Variants in SPAG9 observed in about 807,000 individuals in gnomAD.
The protein encoded by SPAG9 is sperm associated antigen 9, also known as C-Jun-amino-terminal kinase-interacting protein 4.
A neutral mutation model predicts 166.5 loss-of-function variants in SPAG9; 35 were observed. That is an observed-to-expected ratio of 0.21 (90% CI 0.16 to 0.28). SPAG9 has a LOEUF of 0.28. Ranked by LOEUF, SPAG9 falls within the 10% of genes least tolerant of loss-of-function variation. The pLI, the probability that SPAG9 is intolerant of heterozygous loss-of-function variation, is 1.00. For missense variants in SPAG9, 1,235 were observed against 1,603.3 expected, an observed-to-expected ratio of 0.77 and a Z score of 3.92; for synonymous variants, 534 against 565.5, an observed-to-expected ratio of 0.94 and a Z score of 0.79.
At chr17:50,983,647 T>C (rs1264948191) in intron 24 of SPAG9, among the ~76,000 whole-genome samples, 1 of 152,232 alleles carries the variant, frequency 6.6e-6, no homozygotes, top group East Asian at 1.9e-4. Flanking sequence ...TTTACTTGTC[T>C]TATTCTGTCA....
chr17:51,058,452 C>G (rs1439384400), intron 2 of SPAG9, among the ~76,000 whole-genome samples: 2 of 152,180 alleles, frequency 1.3e-5, no homozygotes, highest in Non-Finnish European at 2.9e-5. Context: ...TAGAAAATGG[C>G]AAAGCAAGGA....
At chr17:50,987,284 T>C (rs1235228159) in intron 21 of SPAG9, 47 bp from the exon 22 acceptor site, 1 of 1,540,548 alleles carries the variant, frequency 6.5e-7, no homozygotes, top group Non-Finnish European at 8.8e-7. Flanking sequence ...TACTTAACTA[T>C]CGTTATAGTT....
At chr17:51,026,968 G>T (rs939259373) in intron 6 of SPAG9, among the ~76,000 whole-genome samples, 2 of 152,052 alleles carry the variant, frequency 1.3e-5, no homozygotes, top group South Asian at 4.2e-4. Context: ...GAGCCACTGC[G>T]CCCGGCCGGG....
intron 19 of SPAG9, among the ~76,000 whole-genome samples, chr17:50,992,944 A>T (rs952697365): frequency 2.6e-5 from 4 of 151,560 alleles, no homozygotes; most frequent in East Asian, 3.9e-4. Flanking sequence ...AAAAATACAA[A>T]AATTAGCCGG....
intron 1 of SPAG9, among the ~76,000 whole-genome samples, chr17:51,115,864 G>A (rs1222102695): frequency 1.3e-5 from 2 of 149,578 alleles, no homozygotes; most frequent in Non-Finnish European, 3.0e-5. Context: ...AAAAGAAAAA[G>A]AAAAGGAAGG....
Position 50,993,852 on chromosome 17 carries a change from A to T in SPAG9, c.2310T>A (p.Val770=), listed in dbSNP as rs771583094. The change falls in exon 19 of 30, where the codon GTT becomes GTA. Residue 770 remains valine, a synonymous_variant. Transcript: ENST00000262013. ...ICTSTHSATK[V]LIIDAVQPGN... ...CAGGTTGAACAGCATCAATAATAAG[A>T]ACTTTTGTAGCCGAATGAGTGCTGG... 4 of 1,614,106 alleles carry T rather than the reference A, an allele frequency of 2.5e-6. No homozygotes were observed. Among genetic ancestry groups the T allele is most frequent in the Non-Finnish European group, 3.4e-6 (4 of 1,180,050 alleles).
At chr17:51,025,570 G>A (rs1472026974) in intron 6 of SPAG9, among the ~76,000 whole-genome samples, 2 of 151,826 alleles carry the variant, frequency 1.3e-5, no homozygotes, top group Admixed American at 1.3e-4. Context: ...CATTGTCTTT[G>A]CTTTGATGTA....
intron 3 of SPAG9, among the ~76,000 whole-genome samples, 180 bp downstream of exon 3, chr17:51,056,232 A>G (rs2047359440): frequency 6.6e-6 from 1 of 152,204 alleles, no homozygotes; most frequent in African/African-American, 2.4e-5. Flanking sequence ...AATTCCAAGA[A>G]AAGTTGACAT....
chr17:50,967,354 G>T (rs1383486494), intron 29 of SPAG9, among the ~76,000 whole-genome samples: 2 of 152,090 alleles, frequency 1.3e-5, no homozygotes, highest in Non-Finnish European at 2.9e-5. Flanking sequence ...AATTTCAGCT[G>T]GACAAAAGAA....
At chr17:51,039,914 G>GTCTGT (rs2046765660) in intron 5 of SPAG9, among the ~76,000 whole-genome samples, 1 of 152,042 alleles carries the variant, frequency 6.6e-6, no homozygotes, top group Non-Finnish European at 1.5e-5. Context: ...AAGGCTAAAA[G>GTCTGT]ACCCATTGTG....
At chr17:51,096,465 G>C (rs9908347) in intron 1 of SPAG9, among the ~76,000 whole-genome samples, 8,883 of 152,164 alleles carry the variant, frequency 0.058, 766 homozygotes, top group African/African-American at 0.19. Flanking sequence ...AAGAAAATAA[G>C]AAGTCTTTTA....
intron 5 of SPAG9, among the ~76,000 whole-genome samples, chr17:51,033,136 A>G (rs2046448957): frequency 1.3e-5 from 2 of 152,060 alleles, no homozygotes; most frequent in South Asian, 2.1e-4. Context: ...GCCAATAAAC[A>G]TATCTAGCAC....
Position 50,962,601 on chromosome 17 carries a change from C to T in SPAG9, c.*3671G>A, listed in dbSNP as rs1039589707. ...GTTACAAAGTGGGACCAAATGAGTC[C>T]CTTTCTGAACATGATCAATTAAGAA... On this transcript the variant is annotated 3_prime_UTR_variant, in exon 30 of 30. Coordinates refer to ENST00000262013, the MANE Select transcript of SPAG9 (RefSeq NM_001130528.3). 1.3e-5 allele frequency: 2 copies of T among 152,106 alleles called. No individual in the cohort carries two copies. The highest frequency in any genetic ancestry group is 2.4e-5 in the African/African-American group (1 of 41,422). 9.4% of individuals were successfully genotyped at this position (152,106 alleles called of 1,614,324 possible). A position where few individuals can be genotyped will look rare whatever the true frequency, so the allele number is the denominator to read the frequency against.
intron 1 of SPAG9, among the ~76,000 whole-genome samples, chr17:51,081,279 G>A (rs545986180): frequency 5.3e-4 from 81 of 151,776 alleles, no homozygotes; most frequent in African/African-American, 1.8e-3. Flanking sequence ...GGTGAAATTC[G>A]GTCTCTACTA....
intron 1 of SPAG9, among the ~76,000 whole-genome samples, chr17:51,110,960 C>T (rs112003211): frequency 0.023 from 3,444 of 151,740 alleles, 137 homozygotes; most frequent in African/African-American, 0.079. Flanking sequence ...ACTAAAAATA[C>T]AAAAAATTAG....
intron 25 of SPAG9, among the ~76,000 whole-genome samples, chr17:50,980,338 G>A (rs550755656): frequency 3.3e-5 from 5 of 151,886 alleles, no homozygotes; most frequent in South Asian, 2.1e-4. Context: ...CCTGAGTAGC[G>A]GGATTATAGG....
chr17:51,072,856 T>G (rs141077458), intron 2 of SPAG9, among the ~76,000 whole-genome samples: 53 of 152,300 alleles, frequency 3.5e-4, no homozygotes, highest in African/African-American at 1.3e-3. Flanking sequence ...AGGGAACTAA[T>G]GATACTTAAA....
intron 4 of SPAG9, chr17:51,046,591 T>C (rs1305921294): frequency 2.0e-6 from 3 of 1,536,090 alleles, no homozygotes; most frequent in East Asian, 2.4e-5. Context: ...GATACTAAGA[T>C]AGCAGAATTA....
At chr17:51,113,349 A>G (rs1277211451) in intron 1 of SPAG9, among the ~76,000 whole-genome samples, 6 of 112,114 alleles carry the variant, frequency 5.4e-5, no homozygotes, top group Non-Finnish European at 7.4e-5. Context: ...GTGAAATGCC[A>G]TATCAAAAAA....
Sources: gnomAD v4.1 joint callset for allele counts (sites outside exome capture counted in the v4.1 genomes callset) on GRCh38, gnomAD v4.1.1 for gene constraint, MANE v1.5 for transcripts, NCBI Gene and HGNC (gene_info 2026-07-23, HGNC 2026-07-21) for gene names.